NAV2: variants seen among roughly 807,000 people sequenced by gnomAD.
NAV2 encodes helicase, APC down-regulated 1.
NAV2 carries 54 observed loss-of-function variants against 223.2 expected under a neutral mutation model. The observed-to-expected ratio is 0.24, with a 90% CI of 0.19 to 0.30. The LOEUF (loss-of-function observed/expected upper bound fraction) is 0.30. Among genes scored for constraint, NAV2 ranks in the 10% least tolerant of loss-of-function variants. NAV2 has a pLI of 1.00. For synonymous variants in NAV2, 1,279 were observed against 1,239.3 expected (o/e 1.03, Z -0.67); for missense variants, 2,806 against 3,147.5 (o/e 0.89, Z 2.60).
chr11:19,345,352 C>T, the NAV2 span, among the ~76,000 whole-genome samples: 1 of 152,216 alleles, frequency 6.6e-6, no homozygotes, highest in East Asian at 1.9e-4. The surrounding 1 kb of genome is among the most constrained non-coding windows in gnomAD (Gnocchi z 5.2). Flanking sequence ...TCGGGTCTGG[C>T]TGGACTGCCC....
At chr11:19,448,742 G>T (rs1851679414) in intron 1 of NAV2, among the ~76,000 whole-genome samples, 1 of 152,190 alleles carries the variant, frequency 6.6e-6, no homozygotes, top group Non-Finnish European at 1.5e-5. Flanking sequence ...TATATGTAGG[G>T]CATGCTGGAT....
intron 1 of NAV2, among the ~76,000 whole-genome samples, chr11:19,732,010 A>T (rs1020230211): frequency 2.0e-5 from 3 of 152,102 alleles, no homozygotes; most frequent in African/African-American, 4.8e-5. Flanking sequence ...ATGGGCTGGG[A>T]GGCTGAGGTG....
At chr11:19,889,370 C>T (rs1296066215) in intron 5 of NAV2, among the ~76,000 whole-genome samples, 1 of 152,172 alleles carries the variant, frequency 6.6e-6, no homozygotes, top group Non-Finnish European at 1.5e-5. Context: ...ACAGAGTCAA[C>T]ATAGATTCTC....
chr11:19,806,105 G>T (rs1327433422), intron 1 of NAV2, among the ~76,000 whole-genome samples: 1 of 152,188 alleles, frequency 6.6e-6, no homozygotes, highest in South Asian at 2.1e-4. Flanking sequence ...TTGCTTTAGT[G>T]TGGTAGCCAG....
At chr11:19,733,483 G>C (rs554007104) in intron 1 of NAV2, among the ~76,000 whole-genome samples, 2 of 152,284 alleles carry the variant, frequency 1.3e-5, no homozygotes, top group East Asian at 3.9e-4. Context: ...GAAGGCATGT[G>C]CTTGCCTTCA....
chr11:19,494,858 C>T (rs2042743665), intron 1 of NAV2, among the ~76,000 whole-genome samples: 1 of 152,212 alleles, frequency 6.6e-6, no homozygotes, highest in Non-Finnish European at 1.5e-5. Flanking sequence ...TCTCCCCATT[C>T]TGGGTTAGCC....
intron 5 of NAV2, among the ~76,000 whole-genome samples, chr11:19,881,499 A>G (rs933872913): frequency 1.3e-5 from 2 of 152,110 alleles, no homozygotes; most frequent in Non-Finnish European, 2.9e-5. Context: ...CTTGGGTCAT[A>G]TTGCAGTTCT....
chr11:19,842,989 A>G lies in NAV2; in HGVS notation c.438+66A>G. On this transcript the variant is annotated intron_variant, in intron 3 of 37. Transcript: ENST00000349880. ...CAAGCCCTGCCTCTAAGTGATATTG[A>G]CCATCTTGAAAACATTCATACCAGA... 4 of 1,358,200 alleles carry G rather than the reference A, an allele frequency of 2.9e-6. No individual in the cohort carries two copies. The South Asian group carries it at 4.8e-5, about 16-fold the overall frequency. The allele number at this position is 1,358,200 out of a possible 1,614,324, so 84.1% of individuals were successfully genotyped here. A position where few individuals can be genotyped will look rare whatever the true frequency, so the allele number is the denominator to read the frequency against.
chr11:19,424,577 G>T (rs888727058), intron 1 of NAV2, among the ~76,000 whole-genome samples: 1 of 152,184 alleles, frequency 6.6e-6, no homozygotes, highest in Non-Finnish European at 1.5e-5. Flanking sequence ...TCGAGACGGA[G>T]TCTTGCTGTC....
chr11:19,692,361 C>A (rs573862819), intron 1 of NAV2, among the ~76,000 whole-genome samples: 18 of 152,364 alleles, frequency 1.2e-4, no homozygotes, highest in African/African-American at 4.3e-4. Context: ...AAGCACCAAC[C>A]AAATGTATGT....
At chr11:19,823,925 C>CAAGAA (rs750282959) in intron 1 of NAV2, among the ~76,000 whole-genome samples, 2 of 151,614 alleles carry the variant, frequency 1.3e-5, no homozygotes, top group Non-Finnish European at 2.9e-5. Context: ...AAAAAAAAGA[C>CAAGAA]AAGAAAAGAA....
intron 18 of NAV2, among the ~76,000 whole-genome samples, chr11:20,055,043 A>G (rs973518489): frequency 6.6e-6 from 1 of 152,212 alleles, no homozygotes; most frequent in Non-Finnish European, 1.5e-5. Flanking sequence ...TGAAGGACTG[A>G]TAGAGGGTGA....
upstream of NAV2, among the ~76,000 whole-genome samples, chr11:19,348,112 T>G (rs778654894): frequency 2.0e-5 from 3 of 152,192 alleles, no homozygotes; most frequent in Non-Finnish European, 2.9e-5. Context: ...GGTATTTCTG[T>G]GGCGAGAGCG....
intron 14 of NAV2, 37 bp downstream of exon 14, chr11:20,045,707 A>C (rs1300667596): frequency 6.7e-7 from 1 of 1,492,366 alleles, no homozygotes; most frequent in Non-Finnish European, 9.2e-7. Flanking sequence ...GCAGAACCAG[A>C]ATACAGGGAA....
intron 1 of NAV2, among the ~76,000 whole-genome samples, chr11:19,531,713 G>A (rs915084870): frequency 3.9e-5 from 6 of 152,164 alleles, no homozygotes; most frequent in Admixed American, 3.9e-4. Flanking sequence ...ATGTTGAAAA[G>A]CCATTGTGAT....
chr11:19,912,714 T>C (rs760641464), intron 6 of NAV2, among the ~76,000 whole-genome samples: 1 of 152,210 alleles, frequency 6.6e-6, no homozygotes, highest in Non-Finnish European at 1.5e-5. Flanking sequence ...GACTGTGCCT[T>C]ATTTCTCTTT....
At chr11:19,690,628 G>C (rs889154540) in intron 1 of NAV2, among the ~76,000 whole-genome samples, 1 of 152,158 alleles carries the variant, frequency 6.6e-6, no homozygotes, top group Admixed American at 6.5e-5. Flanking sequence ...CACATGTGTT[G>C]GTTCCCCACC....
At chr11:19,625,796 C>G (rs1340712356) in intron 1 of NAV2, among the ~76,000 whole-genome samples, 9 of 152,084 alleles carry the variant, frequency 5.9e-5, no homozygotes, top group African/African-American at 2.2e-4. Flanking sequence ...TCCCTGATTA[C>G]TAGTGATGTT....
chr11:19,639,503 T>A (rs777025287), intron 1 of NAV2, among the ~76,000 whole-genome samples: 1 of 152,218 alleles, frequency 6.6e-6, no homozygotes, highest in Non-Finnish European at 1.5e-5. Flanking sequence ...CAACAAAGGA[T>A]GTATTTATTT....
Sources: gnomAD v4.1 joint callset for allele counts (sites outside exome capture counted in the v4.1 genomes callset) on GRCh38, gnomAD v4.1.1 for gene constraint, Gnocchi (gnomAD v3.1) non-coding constraint, MANE v1.5 for transcripts, NCBI Gene and HGNC (gene_info 2026-07-23, HGNC 2026-07-21) for gene names.